Variants in DTX2 observed in about 807,000 individuals in gnomAD.
The protein encoded by DTX2 is deltex E3 ubiquitin ligase 2.
Under a neutral mutation model 55.3 loss-of-function variants are expected in DTX2, and 29 were observed. That is an observed-to-expected ratio of 0.52 (90% CI 0.39 to 0.71). DTX2 has a LOEUF of 0.71. DTX2 is among the 30% of genes least tolerant of loss of function. The pLI, the probability that DTX2 is intolerant of heterozygous loss-of-function variation, is 0.00. For missense variants in DTX2, 537 were observed against 822.5 expected, an observed-to-expected ratio of 0.65 and a Z score of 4.25; for synonymous variants, 276 against 340.4, an observed-to-expected ratio of 0.81 and a Z score of 2.08.
At chr7:76,481,980 G>A (rs146074154) in intron 3 of DTX2, among the ~76,000 whole-genome samples, 3,907 of 151,902 alleles carry the variant, frequency 0.026, 75 homozygotes, top group Non-Finnish European at 0.039. Flanking sequence ...TTACAGGCTC[G>A]AGCCGTCATG....
chr7:76,494,979 A>G (rs1810768475), intron 5 of DTX2, among the ~76,000 whole-genome samples: 1 of 130,900 alleles, frequency 7.6e-6, no homozygotes, highest in African/African-American at 3.0e-5. Flanking sequence ...AGAGGTTTAT[A>G]ACCAGGAGGT....
At chr7:76,499,682 C>T (rs1287912913) in intron 6 of DTX2, 1 of 153,368 alleles carries the variant, frequency 6.5e-6, no homozygotes, top group Non-Finnish European at 1.4e-5. Context: ...ACCTAGAGAA[C>T]GCCCCGGGCC....
At chr7:76,501,162 G>A in intron 7 of DTX2, 1 of 403,158 alleles carries the variant, frequency 2.5e-6, no homozygotes, top group Non-Finnish European at 4.9e-6. Flanking sequence ...GGGGGTGGGT[G>A]AACGGCCGGG....
intron 2 of DTX2, among the ~76,000 whole-genome samples, chr7:76,478,568 G>A (rs1329976085): frequency 7.4e-5 from 11 of 147,916 alleles, no homozygotes; most frequent in Non-Finnish European, 7.4e-5. Flanking sequence ...ATGCACCTCC[G>A]CACCTGGCTA....
chr7:76,474,725 G>A (rs967530767), intron 2 of DTX2: 4 of 151,958 alleles, frequency 2.6e-5, no homozygotes, highest in African/African-American at 9.7e-5. Context: ...TGGCTCACCC[G>A]CCCCGGGGCT....
Position 76,505,358 on chromosome 7 carries a change from C to T in DTX2, c.1642-16C>T, listed in dbSNP as rs929315264. On this transcript the variant is annotated splice_polypyrimidine_tract_variant and intron_variant, in intron 10 of 10. Coordinates refer to ENST00000430490, the MANE Select transcript of DTX2 (RefSeq NM_001102594.3). This position sits in a 1 kb window ranked among gnomAD's most constrained non-coding sequence, Gnocchi z 4.4. ...CCGTCCCCTCCTTCCTCTTCCCCCT[C>T]CTCCTCCCCGGGCAGGTCCTAGAGC... The T allele has an allele frequency of 3.2e-6, 5 of 1,556,912 alleles. No individual in the cohort carries two copies. The African/African-American group carries it at 6.8e-5, about 21-fold the overall frequency.
intron 2 of DTX2, among the ~76,000 whole-genome samples, chr7:76,471,428 T>C (rs1426134753): frequency 2.0e-5 from 3 of 151,006 alleles, no homozygotes; most frequent in Admixed American, 1.3e-4. Flanking sequence ...CCCAAAGTGC[T>C]GGGATTACAG....
At chr7:76,480,296 C>T in intron 2 of DTX2, 125 bp from the exon 3 acceptor site, 1 of 554,898 alleles carries the variant, frequency 1.8e-6, no homozygotes, top group Non-Finnish European at 3.1e-6. Flanking sequence ...GAGAGTGAGA[C>T]CCTGTAACCA....
chr7:76,503,047 C>T (rs142244705), intron 8 of DTX2: 3 of 275,992 alleles, frequency 1.1e-5, no homozygotes, highest in Non-Finnish European at 2.0e-5. Flanking sequence ...TGTGGCGCAT[C>T]GGAGCCTGGC....
At chr7:76,472,050 C>T (rs1198555737) in intron 2 of DTX2, 5 of 149,696 alleles carry the variant, frequency 3.3e-5, no homozygotes, top group African/African-American at 1.3e-4. Context: ...GAGGCACTGG[C>T]CTGAGTGATC....
chr7:76,502,033 C>A (rs1276399413), intron 7 of DTX2: 13 of 475,662 alleles, frequency 2.7e-5, no homozygotes, highest in Non-Finnish European at 4.1e-5. Context: ...ATTATAGGCA[C>A]CTGCCAACAC....
At chr7:76,466,342 T>TTATTACTAATAA (rs1388146449) in intron 2 of DTX2, among the ~76,000 whole-genome samples, 1 of 151,456 alleles carries the variant, frequency 6.6e-6, no homozygotes, top group Non-Finnish European at 1.5e-5. Flanking sequence ...TTTTAATAAA[T>TTATTACTAATAA]GTAGTAAGCT....
chr7:76,464,809 G>A (rs1806990774), intron 2 of DTX2, among the ~76,000 whole-genome samples: 1 of 150,868 alleles, frequency 6.6e-6, no homozygotes. Flanking sequence ...TTCGTGGGGA[G>A]AGGCAGGTGA....
Position 76,502,376 on chromosome 7 carries a change from C to G in DTX2, c.1309C>G (p.Leu437Val), listed in dbSNP as rs774600298. Residue 437 changes from leucine to valine, a missense_variant, in exon 8 of 11, where the codon CTA becomes GTA. Leu to Val is a conservative substitution (Grantham distance 32). Around this residue, in one of 7 missense-constraint regions of DTX2, gnomAD observed 121 missense variants for 136.8 expected, o/e 0.88. Transcript: ENST00000430490. ...DVTDSKAIGS[L>V]AVGHLTKCSH... ...GACTGACAGCAAGGCAATCGGGTCC[C>G]TAGCTGTGGGCCACCTCACCAAGTG... 2 of 1,612,650 alleles carry G rather than the reference C, an allele frequency of 1.2e-6. No individual in the cohort carries two copies. Among genetic ancestry groups the G allele is most frequent in the South Asian group, 1.1e-5 (1 of 91,022 alleles).
chr7:76,465,037 C>T (rs1807019650), intron 2 of DTX2, among the ~76,000 whole-genome samples: 1 of 150,762 alleles, frequency 6.6e-6, no homozygotes, highest in Non-Finnish European at 1.5e-5. Context: ...CTCCCAGGCT[C>T]AAGAGGTTCT....
At chr7:76,502,816 G>A (rs574897019) in intron 8 of DTX2, 375 of 331,048 alleles carry the variant, frequency 1.1e-3, no homozygotes, top group Non-Finnish European at 1.7e-3. Context: ...CAGCATCCCT[G>A]TGCAGTCAGC....
chr7:76,499,405 C>T (rs911277244), intron 6 of DTX2, among the ~76,000 whole-genome samples: 8 of 151,340 alleles, frequency 5.3e-5, no homozygotes, highest in Admixed American at 3.3e-4. Context: ...CTGTCCCCTC[C>T]CTGGCCCTTT....
At chr7:76,502,204 G>C (rs1811783912) in intron 7 of DTX2, 94 bp from the exon 8 acceptor site, 1 of 1,310,638 alleles carries the variant, frequency 7.6e-7, no homozygotes. Flanking sequence ...TGCACTTCCA[G>C]CATTTCAGCA....
At chr7:76,467,044 G>A (rs1807262268) in intron 2 of DTX2, among the ~76,000 whole-genome samples, 1 of 151,936 alleles carries the variant, frequency 6.6e-6, no homozygotes, top group Non-Finnish European at 1.5e-5. Context: ...GGGACTACAG[G>A]CACAGGCTAC....
Sources: allele counts gnomAD v4.1 joint callset (sites outside exome capture counted in the v4.1 genomes callset), GRCh38; gene constraint gnomAD v4.1.1; regional missense constraint gnomAD v4.1.1; non-coding constraint Gnocchi (gnomAD v3.1); transcripts MANE v1.5; gene names NCBI Gene and HGNC (gene_info 2026-07-23, HGNC 2026-07-21).